SGCD: variants seen among roughly 807,000 people sequenced by gnomAD.
SGCD encodes the protein sarcoglycan delta.
In SGCD, 18 loss-of-function variants were observed where a neutral mutation model predicts 36.6. That is an observed-to-expected ratio of 0.49 (90% CI 0.34 to 0.73). SGCD has a LOEUF of 0.73. SGCD is among the 30% of genes least tolerant of loss of function. SGCD has a pLI of 0.01. For missense variants in SGCD, 387 were observed against 346.7 expected, an observed-to-expected ratio of 1.12 and a Z score of -0.92; for synonymous variants, 133 against 130.6, an observed-to-expected ratio of 1.02 and a Z score of -0.12.
intron 3 of SGCD, among the ~76,000 whole-genome samples, chr5:156,356,257 A>G (rs1001805051): frequency 6.6e-6 from 1 of 152,142 alleles, no homozygotes; most frequent in Non-Finnish European, 1.5e-5. Context: ...CCTGATGTCT[A>G]GCACCTTAGC....
intron 6 of SGCD, among the ~76,000 whole-genome samples, chr5:156,631,814 G>A (rs1204182770): frequency 3.9e-5 from 6 of 152,120 alleles, no homozygotes. Context: ...AGGAGTAATG[G>A]TCACTCTTCA....
chr5:156,525,745 G>C (rs1757618767), intron 4 of SGCD, among the ~76,000 whole-genome samples: 1 of 151,884 alleles, frequency 6.6e-6, no homozygotes, highest in South Asian at 2.1e-4. Flanking sequence ...CCATTTTTGA[G>C]TTGATTTTTG....
chr5:155,862,035 C>A, the SGCD span, among the ~76,000 whole-genome samples: 1 of 139,148 alleles, frequency 7.2e-6, no homozygotes, highest in Admixed American at 7.1e-5. Flanking sequence ...GCTAGCTGTT[C>A]TTCTCAGTGA....
chr5:156,610,162 A>G (rs1761718876), intron 6 of SGCD, among the ~76,000 whole-genome samples: 2 of 151,812 alleles, frequency 1.3e-5, no homozygotes, highest in African/African-American at 4.8e-5. Flanking sequence ...TTTTTTCCCC[A>G]TCTTTGTAGT....
chr5:155,905,148 C>G (rs144920608), intron 1 of SGCD, among the ~76,000 whole-genome samples: 13 of 152,146 alleles, frequency 8.5e-5, no homozygotes, highest in Non-Finnish European at 1.6e-4. Context: ...AGATGTCTCT[C>G]GTAGCCAATG....
chr5:155,761,523 T>C, the SGCD span, among the ~76,000 whole-genome samples: 1 of 138,480 alleles, frequency 7.2e-6, no homozygotes, highest in Non-Finnish European at 1.5e-5. Context: ...CTCTCCATCA[T>C]CATCTGTCAC....
At chr5:156,518,446 A>G (rs1214515223) in intron 4 of SGCD, among the ~76,000 whole-genome samples, 1 of 152,210 alleles carries the variant, frequency 6.6e-6, no homozygotes, top group African/African-American at 2.4e-5. Flanking sequence ...GAAAATTAAC[A>G]AAGATATTTA....
At chr5:155,965,381 T>C (rs1757882464) in intron 1 of SGCD, among the ~76,000 whole-genome samples, 1 of 152,110 alleles carries the variant, frequency 6.6e-6, no homozygotes, top group African/African-American at 2.4e-5. Context: ...TTTCTAAGTA[T>C]TGTCTTTGCC....
chr5:156,410,470 G>A (rs552605518), intron 3 of SGCD, among the ~76,000 whole-genome samples: 2 of 152,124 alleles, frequency 1.3e-5, no homozygotes, highest in Non-Finnish European at 2.9e-5. Flanking sequence ...CCTCAGTGTC[G>A]TGCAATATAC....
At chr5:156,607,253 G>T (rs1361005308) in intron 6 of SGCD, among the ~76,000 whole-genome samples, 1 of 152,180 alleles carries the variant, frequency 6.6e-6, no homozygotes, top group Non-Finnish European at 1.5e-5. Flanking sequence ...TTTTTAGCAT[G>T]AAGCATTGTT....
chr5:155,915,219 C>T (rs1435044540), intron 1 of SGCD, among the ~76,000 whole-genome samples: 1 of 152,116 alleles, frequency 6.6e-6, no homozygotes, highest in Non-Finnish European at 1.5e-5. Context: ...TCCTGACAGC[C>T]CCAACCTCAG....
intron 4 of SGCD, among the ~76,000 whole-genome samples, chr5:156,543,737 G>A (rs1340659316): frequency 6.6e-6 from 1 of 152,196 alleles, no homozygotes; most frequent in Admixed American, 6.5e-5. Flanking sequence ...AAGGGACTGA[G>A]AAATAGCCTT....
intron 3 of SGCD, among the ~76,000 whole-genome samples, chr5:156,485,031 A>G (rs1180831282): frequency 1.3e-5 from 2 of 151,136 alleles, no homozygotes; most frequent in Admixed American, 6.6e-5. Context: ...TTTTTTTTTC[A>G]TAACGATTTT....
intron 7 of SGCD, among the ~76,000 whole-genome samples, chr5:156,709,402 G>A (rs72803012): frequency 6.6e-6 from 1 of 152,314 alleles, no homozygotes; most frequent in Non-Finnish European, 1.5e-5. Context: ...TAACACTGTT[G>A]TAATGAGAGT....
In SGCD at chr5:156,608,617, T is replaced by A. The variant is rs533130505; in HGVS notation, c.502+13566T>A. ...ATATCCTTGTTAACTTTCTGTCTCA[T>A]TGATCTGTCTAATGTTGACAGTGGG... On this transcript the variant is annotated intron_variant, in intron 6 of 8. Coordinates refer to ENST00000337851, the MANE Select transcript of SGCD (RefSeq NM_000337.6). Among the ~76,000 whole-genome samples the A allele has an allele frequency of 2.0e-5, 3 of 152,308 alleles. No homozygotes were observed. The South Asian group carries it at 6.2e-4, about 32-fold the overall frequency.
chr5:156,200,200 G>C (rs1381591416), intron 3 of SGCD, among the ~76,000 whole-genome samples: 1 of 151,922 alleles, frequency 6.6e-6, no homozygotes, highest in Admixed American at 6.6e-5. Context: ...AAGGGACCCT[G>C]AATAGCCAAA....
At chr5:155,910,039 A>C (rs1423774327) in intron 1 of SGCD, among the ~76,000 whole-genome samples, 1 of 151,944 alleles carries the variant, frequency 6.6e-6, no homozygotes, top group Non-Finnish European at 1.5e-5. Flanking sequence ...ATACTCAACT[A>C]TTCCTTAAGA....
chr5:156,441,852 CAAATGAATAAG>C (rs1580998384), intron 3 of SGCD, among the ~76,000 whole-genome samples: 2 of 152,238 alleles, frequency 1.3e-5, no homozygotes, highest in East Asian at 3.9e-4. Flanking sequence ...CTGAGTGCTG[CAAATGAATAAG>C]TTGCTCAGAG....
chr5:156,756,647 T>C (rs1451141229), intron 7 of SGCD, among the ~76,000 whole-genome samples: 2 of 152,226 alleles, frequency 1.3e-5, no homozygotes, highest in Admixed American at 6.5e-5. Flanking sequence ...AGGAGTATTA[T>C]CCTGTTTTGC....
Sources: allele counts gnomAD v4.1 joint callset (sites outside exome capture counted in the v4.1 genomes callset), GRCh38; gene constraint gnomAD v4.1.1; transcripts MANE v1.5; gene names NCBI Gene and HGNC (gene_info 2026-07-23, HGNC 2026-07-21).